The following STXBP5L variants were observed in gnomAD, a reference collection of about 807,000 sequenced individuals.
STXBP5L encodes the protein syntaxin binding protein 5L.
A neutral mutation model predicts 144.5 loss-of-function variants in STXBP5L; 65 were observed. The ratio of observed to expected loss-of-function variants is 0.45; its 90% CI spans 0.37 to 0.55. The LOEUF (loss-of-function observed/expected upper bound fraction) is 0.55. STXBP5L is among the 20% of genes least tolerant of loss of function. The pLI, the probability that STXBP5L is intolerant of heterozygous loss-of-function variation, is 0.00. For synonymous variants in STXBP5L, 505 were observed against 469.6 expected (o/e 1.08, Z -0.97); for missense variants, 1,298 against 1,405.5 (o/e 0.92, Z 1.22).
chr3:120,997,607 C>G (rs1360992090), intron 3 of STXBP5L, among the ~76,000 whole-genome samples: 1 of 152,050 alleles, frequency 6.6e-6, no homozygotes, highest in Non-Finnish European at 1.5e-5. Context: ...GTCCTTTGCC[C>G]AATTTTTAGT....
intron 20 of STXBP5L, among the ~76,000 whole-genome samples, chr3:121,344,171 G>A (rs965706554): frequency 6.6e-6 from 1 of 152,100 alleles, no homozygotes; most frequent in Non-Finnish European, 1.5e-5. Context: ...TTTAATAAAT[G>A]GTGCTGGGAA....
chr3:121,291,344 A>G (rs1440357329), intron 19 of STXBP5L, among the ~76,000 whole-genome samples: 10 of 152,162 alleles, frequency 6.6e-5, no homozygotes, highest in Non-Finnish European at 1.5e-5. Context: ...AATTTACCTA[A>G]CTAAGGAGGT....
chr3:121,085,434 C>A (rs2042441699), intron 5 of STXBP5L, among the ~76,000 whole-genome samples: 1 of 152,028 alleles, frequency 6.6e-6, no homozygotes, highest in Non-Finnish European at 1.5e-5. Context: ...ATAGCCTCAG[C>A]CTAAAGCTTC....
In STXBP5L at chr3:121,423,044, C is replaced by T. The variant is rs2047386791; in HGVS notation, c.*3947C>T. On this transcript the variant is annotated 3_prime_UTR_variant, in exon 27 of 27. Transcript: ENST00000471454. ...AAAAATCCTCTCCTTGGCTTAGGAT[C>T]ATTGGGTCAAACTGGGAGTATATCT... 1 of 152,148 alleles carries T rather than the reference C, an allele frequency of 6.6e-6. No homozygotes were observed. Among genetic ancestry groups the T allele is most frequent in the Admixed American group, 6.6e-5 (1 of 15,264 alleles). 9.4% of individuals were successfully genotyped at this position (152,148 alleles called of 1,614,324 possible).
intron 25 of STXBP5L, among the ~76,000 whole-genome samples, chr3:121,417,691 C>G (rs781371781): frequency 1.3e-5 from 2 of 152,236 alleles, no homozygotes; most frequent in Non-Finnish European, 2.9e-5. Flanking sequence ...TCTGGAACTC[C>G]TGACCTCAGG....
intron 24 of STXBP5L, 97 bp downstream of exon 24, chr3:121,413,420 AT>A: frequency 1.7e-6 from 2 of 1,147,836 alleles, no homozygotes; most frequent in Non-Finnish European, 1.2e-6. Flanking sequence ...TCAGACAATA[AT>A]TATGCCCTTC....
At chr3:120,945,703 C>T (rs1228190282) in intron 2 of STXBP5L, among the ~76,000 whole-genome samples, 6 of 151,732 alleles carry the variant, frequency 4.0e-5, no homozygotes, top group Non-Finnish European at 8.8e-5. Context: ...TTCACATAAA[C>T]TGCTTGGAAA....
chr3:121,181,355 T>G (rs1167452365), intron 9 of STXBP5L, among the ~76,000 whole-genome samples: 3 of 143,612 alleles, frequency 2.1e-5, no homozygotes, highest in Non-Finnish European at 4.6e-5. Flanking sequence ...AGGAGAGGAG[T>G]AGTACCTCAC....
At chr3:121,311,827 A>C (rs1435488483) in intron 19 of STXBP5L, among the ~76,000 whole-genome samples, 1 of 152,222 alleles carries the variant, frequency 6.6e-6, no homozygotes, top group Non-Finnish European at 1.5e-5. Context: ...TTCTTCACAG[A>C]ATTGGAAAAA....
chr3:121,083,646 G>C (rs1416765910), intron 5 of STXBP5L, among the ~76,000 whole-genome samples: 1 of 149,924 alleles, frequency 6.7e-6, no homozygotes, highest in Admixed American at 6.7e-5. Context: ...CTGGGCAACA[G>C]AGTGACACTC....
rs148325041 is a variant in STXBP5L at position 120,999,241 on chromosome 3, T to C, written c.288-42459T>C. Among the ~76,000 whole-genome samples, 906 of 152,202 alleles carry C rather than the reference T, an allele frequency of 6.0e-3. 8 individuals are homozygous for C. Among genetic ancestry groups the C allele is most frequent in the African/African-American group, 0.02 (835 of 41,536 alleles). On this transcript the variant is annotated intron_variant, in intron 3 of 26. Coordinates refer to ENST00000471454, the MANE Select transcript of STXBP5L (RefSeq NM_001308330.2). Reference sequence around the variant, plus strand: ...CTAATTTTTGTATTTTTAGTAGAGATGTGGTTTCACCGTGTTGGCCAGGCT... The same window carrying C: ...CTAATTTTTGTATTTTTAGTAGAGACGTGGTTTCACCGTGTTGGCCAGGCT...
chr3:121,204,611 T>C (rs561842357), intron 9 of STXBP5L, among the ~76,000 whole-genome samples: 29 of 152,272 alleles, frequency 1.9e-4, no homozygotes, highest in South Asian at 1.5e-3. Flanking sequence ...GTAATAGATA[T>C]GTAATAGATA....
Position 121,271,223 on chromosome 3 carries a change from T to C in STXBP5L, c.1959-8582T>C, listed in dbSNP as rs533641124. Among the ~76,000 whole-genome samples the C allele has an allele frequency of 1.8e-4, 27 of 152,316 alleles. No individual in the cohort carries two copies. The East Asian group carries it at 5.0e-3, about 28-fold the overall frequency. ...TTGTTTACTATATAAGTATGAAATC[T>C]TAGATTTGCATTTTATTCAGTGAGT... On this transcript the variant is annotated intron_variant, in intron 18 of 26. Coordinates refer to ENST00000471454, the MANE Select transcript of STXBP5L (RefSeq NM_001308330.2).
intron 7 of STXBP5L, among the ~76,000 whole-genome samples, chr3:121,140,579 A>G (rs2045454259): frequency 6.6e-6 from 1 of 152,218 alleles, no homozygotes; most frequent in African/African-American, 2.4e-5. Flanking sequence ...AAATCTTCTC[A>G]TTCGCGACAA....
At chr3:121,135,485 G>C (rs2045206533) in intron 7 of STXBP5L, among the ~76,000 whole-genome samples, 1 of 152,100 alleles carries the variant, frequency 6.6e-6, no homozygotes, top group Non-Finnish European at 1.5e-5. Context: ...CAACTATATG[G>C]TCCCATCTGG....
chr3:121,258,360 A>T (rs1403219272), intron 17 of STXBP5L, among the ~76,000 whole-genome samples: 1 of 152,194 alleles, frequency 6.6e-6, no homozygotes, highest in African/African-American at 2.4e-5. Context: ...GCTTATGGAA[A>T]ATTTAGAGAT....
chr3:121,174,302 G>A (rs1022578181), intron 9 of STXBP5L, among the ~76,000 whole-genome samples: 5 of 152,044 alleles, frequency 3.3e-5, no homozygotes, highest in Non-Finnish European at 7.4e-5. Flanking sequence ...GGTAGTAAAT[G>A]ATAATATAGA....
At chr3:121,157,226 G>T (rs2046146961) in intron 8 of STXBP5L, among the ~76,000 whole-genome samples, 1 of 151,964 alleles carries the variant, frequency 6.6e-6, no homozygotes, top group African/African-American at 2.4e-5. Context: ...AGGATTAAAT[G>T]AAATAATGTG....
chr3:121,147,649 G>A (rs1448609182), intron 7 of STXBP5L, among the ~76,000 whole-genome samples: 1 of 152,120 alleles, frequency 6.6e-6, no homozygotes, highest in Non-Finnish European at 1.5e-5. Context: ...ACTGGGCCTT[G>A]AGGTAACCAA....
Sources: allele counts gnomAD v4.1 joint callset (sites outside exome capture counted in the v4.1 genomes callset), GRCh38; gene constraint gnomAD v4.1.1; transcripts MANE v1.5; gene names NCBI Gene and HGNC (gene_info 2026-07-23, HGNC 2026-07-21).